ADAMTS7: variants seen among roughly 807,000 people sequenced by gnomAD.
The protein encoded by ADAMTS7 is ADAM metallopeptidase with thrombospondin type 1 motif 7.
A neutral mutation model predicts 172.6 loss-of-function variants in ADAMTS7; 89 were observed. The ratio of observed to expected loss-of-function variants is 0.52; its 90% CI spans 0.43 to 0.61. ADAMTS7 has a LOEUF of 0.61. ADAMTS7 is among the 20% of genes least tolerant of loss of function. The pLI, the probability that ADAMTS7 is intolerant of heterozygous loss-of-function variation, is 0.00. For synonymous variants in ADAMTS7, 885 were observed against 978.4 expected (o/e 0.90, Z 1.78); for missense variants, 1,973 against 2,355.6 (o/e 0.84, Z 3.36).
rs146420162 is a variant in ADAMTS7 at position 78,766,052 on chromosome 15, C to T, written c.3859G>A (p.Val1287Ile). The change falls in exon 19 of 24, where the codon GTT becomes ATT. Residue 1287 changes from valine to isoleucine, a missense_variant. By Grantham distance (29) the Val-to-Ile change is conservative. Transcript: ENST00000388820. ...GGAGGAAGGAGAGAAGCCACCCCAA[C>T]AGTGGGCCACAGTTCACTGTCCACA... is the stretch of plus-strand genomic sequence containing the variant. ...GPVDSELWPTVGVASLLPPPI... is the reference protein window; with the variant it reads ...GPVDSELWPTIGVASLLPPPI... 1.2e-3 allele frequency: 1,993 copies of T among 1,606,678 alleles called. No individual in the cohort carries two copies. The highest frequency in any genetic ancestry group is 1.6e-3 in the Non-Finnish European group (1,886 of 1,179,968).
chr15:78,785,235 T>C (rs1027668107), intron 8 of ADAMTS7, among the ~76,000 whole-genome samples: 1 of 151,868 alleles, frequency 6.6e-6, no homozygotes, highest in Admixed American at 6.6e-5. Context: ...ACCAAGCAAA[T>C]AAAAAACTTG....
Position 78,770,914 on chromosome 15 carries a change from A to T in ADAMTS7, c.2518+248T>A, listed in dbSNP as rs2055237285. On this transcript the variant is annotated intron_variant, in intron 16 of 23. Transcript: ENST00000388820. ...GGGAGCTGTGTCCCCTGGAGGGAGA[A>T]CGCCAAGAGCTGGAGCACACTGAAC... 8 of 541,826 alleles carry T rather than the reference A, an allele frequency of 1.5e-5. No homozygotes were observed. The South Asian group carries it at 2.0e-4, about 13-fold the overall frequency. 33.6% of individuals were successfully genotyped at this position (541,826 alleles called of 1,614,324 possible).
intron 1 of ADAMTS7, among the ~76,000 whole-genome samples, chr15:78,806,901 T>C (rs866024802): frequency 3.2e-4 from 48 of 152,074 alleles, no homozygotes; most frequent in African/African-American, 1.1e-3. Flanking sequence ...CAAGTAGCTG[T>C]AATTACAGGT....
At chr15:78,785,992 C>T (rs28558092) in intron 8 of ADAMTS7, among the ~76,000 whole-genome samples, 1,072 of 85,828 alleles carry the variant, frequency 0.012, 22 homozygotes, top group East Asian at 0.027. Flanking sequence ...TGCAGTGGCG[C>T]GATCTTGGCT....
At chr15:78,789,136 G>C (rs1450472000) in intron 7 of ADAMTS7, among the ~76,000 whole-genome samples, 4 of 152,246 alleles carry the variant, frequency 2.6e-5, no homozygotes, top group African/African-American at 7.2e-5. Flanking sequence ...GCCTTTGATG[G>C]CTTGCTAGAC....
At chr15:78,762,146 T>C (rs183252956) in intron 23 of ADAMTS7, 1 of 920,880 alleles carries the variant, frequency 1.1e-6, no homozygotes, top group East Asian at 1.2e-4. Flanking sequence ...GGCCACTCCC[T>C]CTACTCCCCC....
rs760630363 is a variant in ADAMTS7 at position 78,774,643 on chromosome 15, C to G, written c.1857G>C (p.Trp619Cys). 3 of 1,611,742 alleles carry G rather than the reference C, an allele frequency of 1.9e-6. No individual in the cohort carries two copies. Among genetic ancestry groups the G allele is most frequent in the Non-Finnish European group, 2.5e-6 (3 of 1,179,818 alleles). The change falls in exon 12 of 24, where the codon TGG becomes TGC. Residue 619 changes from tryptophan to cysteine, a missense_variant. Coordinates refer to ENST00000388820, the MANE Select transcript of ADAMTS7 (RefSeq NM_014272.5). ...AMLYKGQLHTWVPVVNDVNPC... is the reference protein window; with the variant it reads ...AMLYKGQLHTCVPVVNDVNPC... ...ACTCACCGTCATTGACCACGGGCAC[C>G]CATGTGTGCAGCTGGCCCTTGTAGA...
At chr15:78,773,328 C>G in intron 13 of ADAMTS7, 125 bp from the exon 14 acceptor site, 1 of 782,108 alleles carries the variant, frequency 1.3e-6, no homozygotes, top group Non-Finnish European at 2.0e-6. Flanking sequence ...TCTCTCTGGC[C>G]CTGCCCCACC....
At chr15:78,762,915 G>GGC (rs1281271234) in intron 22 of ADAMTS7, among the ~76,000 whole-genome samples, 2 of 152,214 alleles carry the variant, frequency 1.3e-5, no homozygotes, top group African/African-American at 4.8e-5. Flanking sequence ...CAGAGATGTG[G>GGC]GCGAGACACC....
Position 78,800,541 on chromosome 15 carries a change from G to A in ADAMTS7, c.107C>T (p.Ala36Val). ...GTCCAGTGCCGCCCGGCCCTCGGTT[G>A]CACGTCCTGCAGGGAGAGAACCACA... ...PGAPGPAPGR[A>V]TEGRAALDIV... Residue 36 changes from alanine to valine, a missense_variant, in exon 2 of 24, where the codon GCA (alanine) becomes GTA (valine). By Grantham distance (64) the Ala-to-Val change is moderately conservative. This residue lies in a region of ADAMTS7 where 306 missense variants were observed against 288.0 expected (regional missense o/e 1.06). Coordinates refer to ENST00000388820, the MANE Select transcript of ADAMTS7 (RefSeq NM_014272.5). The A allele has an allele frequency of 6.3e-7, 1 of 1,590,478 alleles. No homozygotes were observed. Among genetic ancestry groups the A allele is most frequent in the Non-Finnish European group, 8.6e-7 (1 of 1,168,918 alleles).
intron 11 of ADAMTS7, among the ~76,000 whole-genome samples, chr15:78,775,518 C>CTG (rs1255478707): frequency 1.3e-5 from 2 of 151,764 alleles, no homozygotes; most frequent in African/African-American, 4.8e-5. Context: ...TACCACTTGC[C>CTG]TCTGCTTCTC....
Position 78,811,193 on chromosome 15 carries a change from G to A in ADAMTS7, c.28C>T (p.Pro10Ser). 1 of 1,229,508 alleles carries A rather than the reference G, an allele frequency of 8.1e-7. No homozygotes were observed. 76.2% of individuals were successfully genotyped at this position (1,229,508 alleles called of 1,614,324 possible). MPGGPSPRSPAPLLRPLLLL... is the reference protein window; with the variant it reads MPGGPSPRSSAPLLRPLLLL... ...AGGAGGGGGCGCAGCAAAGGCGCGGGGCTGCGGGGACTGGGGCCGCCGGGC... is the reference window on the plus strand; with the variant it reads ...AGGAGGGGGCGCAGCAAAGGCGCGGAGCTGCGGGGACTGGGGCCGCCGGGC... The change falls in exon 1 of 24, where the codon CCC becomes TCC. Residue 10 changes from proline (P) to serine (S), a missense_variant. Pro to Ser is a moderately conservative substitution (Grantham distance 74). This residue lies in a region of ADAMTS7 where 306 missense variants were observed against 288.0 expected (regional missense o/e 1.06). Coordinates refer to ENST00000388820, the MANE Select transcript of ADAMTS7 (RefSeq NM_014272.5).
intron 4 of ADAMTS7, among the ~76,000 whole-genome samples, chr15:78,795,762 C>A (rs1197163343): frequency 2.0e-5 from 3 of 152,318 alleles, no homozygotes; most frequent in East Asian, 3.9e-4. Context: ...GAGATCTTTC[C>A]TCCCAGGGGC....
intron 16 of ADAMTS7, 27 bp from the exon 17 acceptor site, chr15:78,768,286 A>G: frequency 1.2e-6 from 2 of 1,609,620 alleles, no homozygotes; most frequent in South Asian, 1.1e-5. Flanking sequence ...TCAGCCTGGG[A>G]CTGGCACCCA....
intron 22 of ADAMTS7, among the ~76,000 whole-genome samples, chr15:78,763,423 C>G (rs1339038454): frequency 6.6e-6 from 1 of 152,266 alleles, no homozygotes; most frequent in Non-Finnish European, 1.5e-5. Context: ...CCTGATGTCC[C>G]TTCGATCCCT....
intron 19 of ADAMTS7, 107 bp from the exon 20 acceptor site, chr15:78,764,814 C>T (rs2055114186): frequency 1.6e-6 from 2 of 1,237,040 alleles, no homozygotes; most frequent in Admixed American, 3.4e-5. Context: ...AGACAGGGGC[C>T]CTCTTCTGGG....
intron 8 of ADAMTS7, among the ~76,000 whole-genome samples, chr15:78,786,860 AT>A (rs991423798): frequency 2.0e-5 from 3 of 151,828 alleles, no homozygotes; most frequent in African/African-American, 7.3e-5. Flanking sequence ...TTACATGTGG[AT>A]TTTTTTTCAC....
rs772607985 is a variant in ADAMTS7, at chr15:78,800,294, G to A, written c.354C>T (p.Arg118=). The A allele has an allele frequency of 8.2e-6, 13 of 1,590,628 alleles. No homozygotes were observed. In the African/African-American group the frequency reaches 1.7e-4, roughly 21 times the overall value. ...SETRRRGGLG[R]AHIRAHTPAC... The stretch of plus-strand genomic sequence containing the variant: ...CCGGGGTGTGGGCCCGGATGTGCGC[G>A]CGGCCCAGGCCGCCGCGCCGCCGCG... Residue 118 remains arginine, a synonymous_variant, in exon 2 of 24, where the codon CGC becomes CGT. Transcript: ENST00000388820.
intron 16 of ADAMTS7, among the ~76,000 whole-genome samples, chr15:78,768,918 C>T (rs546640171): frequency 3.1e-4 from 47 of 152,310 alleles, no homozygotes; most frequent in African/African-American, 6.7e-4. Flanking sequence ...TGCTCCTTCC[C>T]GGGGCTGGCT....
Sources: allele counts gnomAD v4.1 joint callset (sites outside exome capture counted in the v4.1 genomes callset), GRCh38; gene constraint gnomAD v4.1.1; regional missense constraint gnomAD v4.1.1; transcripts MANE v1.5; gene names NCBI Gene and HGNC (gene_info 2026-07-23, HGNC 2026-07-21).